Variants in MAF observed in about 807,000 individuals in gnomAD.
The protein encoded by MAF is MAF bZIP transcription factor.
MAF carries 10 observed loss-of-function variants against 22.0 expected under a neutral mutation model. That is an observed-to-expected ratio of 0.45 (90% CI 0.28 to 0.77). The LOEUF (loss-of-function observed/expected upper bound fraction) is 0.77. Ranked by LOEUF, MAF falls within the 30% of genes least tolerant of loss-of-function variation. The probability of loss-of-function intolerance (pLI) is 0.12; values close to 1 mark genes in which losing one functional copy is unlikely to be tolerated. For synonymous variants in MAF, 337 were observed against 255.8 expected (o/e 1.32, Z -3.03); for missense variants, 544 against 548.4 (o/e 0.99, Z 0.08).
At chr16:79,212,144 G>A in the MAF span, 64 of 1,516,768 alleles carry the variant, frequency 4.2e-5, no homozygotes, top group South Asian at 8.6e-5. Context: ...AGGTCCCCTC[G>A]TCCCATCCAG....
the MAF span, among the ~76,000 whole-genome samples, chr16:79,296,468 T>C: frequency 2.0e-5 from 3 of 152,126 alleles, no homozygotes; most frequent in Non-Finnish European, 4.4e-5. Flanking sequence ...TACCATGGCA[T>C]ATGTTTACTT....
At chr16:79,206,344 G>C in the MAF span, 30 of 152,160 alleles carry the variant, frequency 2.0e-4, no homozygotes, top group African/African-American at 7.0e-4. Context: ...TTGGGGAGCA[G>C]GTTTCATGTA....
At chr16:79,382,658 T>A in the MAF span, among the ~76,000 whole-genome samples, 1 of 152,218 alleles carries the variant, frequency 6.6e-6, no homozygotes, top group Non-Finnish European at 1.5e-5. Flanking sequence ...ATTCCATTGT[T>A]TTCTCCACCT....
At chr16:79,497,645 G>A in the MAF span, among the ~76,000 whole-genome samples, 10 of 152,294 alleles carry the variant, frequency 6.6e-5, no homozygotes, top group East Asian at 3.9e-4. Flanking sequence ...GTCTAGACCC[G>A]TGGGTTCATC....
At chr16:79,468,449 C>T in the MAF span, among the ~76,000 whole-genome samples, 2 of 152,324 alleles carry the variant, frequency 1.3e-5, no homozygotes, top group Non-Finnish European at 2.9e-5. Context: ...GAGCCAAGTC[C>T]GTGGAGGGTG....
chr16:79,596,018 A>G, intron 1 of MAF: 1 of 1,060,908 alleles, frequency 9.4e-7, no homozygotes, highest in Non-Finnish European at 1.1e-6. Context: ...TGTGTAAGAG[A>G]AGAAGGAAAA....
the MAF span, among the ~76,000 whole-genome samples, chr16:79,525,107 C>A: frequency 6.6e-6 from 1 of 152,178 alleles, no homozygotes; most frequent in Non-Finnish European, 1.5e-5. Flanking sequence ...ACCTTCCTTA[C>A]GATTTAACGC....
the MAF span, among the ~76,000 whole-genome samples, chr16:79,437,176 G>T: frequency 6.6e-6 from 1 of 151,800 alleles, no homozygotes; most frequent in East Asian, 1.9e-4. Flanking sequence ...GTGTGTGTGT[G>T]CATTTCTGTA....
the MAF span, among the ~76,000 whole-genome samples, chr16:79,238,391 G>C: frequency 2.0e-5 from 3 of 152,078 alleles, no homozygotes; most frequent in African/African-American, 7.2e-5. Context: ...GGGCACTGTA[G>C]AGCATACGTC....
the MAF span, among the ~76,000 whole-genome samples, chr16:79,390,476 G>T: frequency 1.3e-4 from 20 of 152,194 alleles, 1 homozygote; most frequent in Middle Eastern, 3.4e-3. Flanking sequence ...AACATAATTT[G>T]TCACAGTTTT....
the MAF span, among the ~76,000 whole-genome samples, chr16:79,443,464 T>A: frequency 8.6e-4 from 131 of 152,330 alleles, no homozygotes; most frequent in African/African-American, 2.9e-3. Context: ...AGCCTGGGCT[T>A]CCTGGGGGCA....
At chr16:79,383,378 G>C in the MAF span, among the ~76,000 whole-genome samples, 1 of 152,176 alleles carries the variant, frequency 6.6e-6, no homozygotes, top group South Asian at 2.1e-4. Context: ...GGAAATAAAG[G>C]AAGAAAACCA....
At chr16:79,558,360 C>T in the MAF span, among the ~76,000 whole-genome samples, 66 of 152,194 alleles carry the variant, frequency 4.3e-4, no homozygotes, top group Non-Finnish European at 7.2e-4. Flanking sequence ...GGTCCATCAA[C>T]CCACTGTCAA....
the MAF span, among the ~76,000 whole-genome samples, chr16:79,545,766 G>T: frequency 2.0e-5 from 3 of 152,192 alleles, no homozygotes; most frequent in African/African-American, 7.2e-5. Flanking sequence ...TGGGGGAGAT[G>T]TTTTTCAAAG....
the MAF span, among the ~76,000 whole-genome samples, chr16:79,551,105 C>T: frequency 6.6e-6 from 1 of 152,170 alleles, no homozygotes; most frequent in Non-Finnish European, 1.5e-5. Context: ...TCACCCTAGT[C>T]TCCTTCCTTG....
chr16:79,310,367 G>C, the MAF span, among the ~76,000 whole-genome samples: 5 of 151,570 alleles, frequency 3.3e-5, no homozygotes, highest in Non-Finnish European at 5.9e-5. Flanking sequence ...ACGAGAGAGA[G>C]ATAGAGACAG....
the MAF span, among the ~76,000 whole-genome samples, chr16:79,384,129 T>C: frequency 6.6e-6 from 1 of 152,074 alleles, no homozygotes; most frequent in Non-Finnish European, 1.5e-5. Context: ...CAGGAAAGTA[T>C]TCTATTTAAG....
At chr16:79,546,701 T>G in the MAF span, among the ~76,000 whole-genome samples, 1 of 152,166 alleles carries the variant, frequency 6.6e-6, no homozygotes, top group African/African-American at 2.4e-5. Context: ...GGAGCTTGCT[T>G]TCTTTTTCTG....
chr16:79,374,069 C>T, the MAF span, among the ~76,000 whole-genome samples: 1 of 152,154 alleles, frequency 6.6e-6, no homozygotes, highest in Non-Finnish European at 1.5e-5. Flanking sequence ...CCAGTCTCCT[C>T]CTCTGCCTTG....
Sources: gnomAD v4.1 joint callset for allele counts (sites outside exome capture counted in the v4.1 genomes callset) on GRCh38, gnomAD v4.1.1 for gene constraint, MANE v1.5 for transcripts, NCBI Gene and HGNC (gene_info 2026-07-23, HGNC 2026-07-21) for gene names.